Variants in LEMD3 observed in about 807,000 individuals in gnomAD.
LEMD3 encodes inner nuclear membrane protein Man1.
LEMD3 carries 33 observed loss-of-function variants against 95.2 expected under a neutral mutation model. That is an observed-to-expected ratio of 0.35 (90% CI 0.26 to 0.46). The LOEUF is 0.46. Among genes scored for constraint, LEMD3 ranks in the 20% least tolerant of loss-of-function variants. LEMD3 has a pLI of 1.00. For missense variants in LEMD3, 1,210 were observed against 1,192.8 expected, an observed-to-expected ratio of 1.01 and a Z score of -0.21; for synonymous variants, 525 against 474.6, an observed-to-expected ratio of 1.11 and a Z score of -1.38.
At chr12:65,201,017 G>A (rs184935834) in intron 1 of LEMD3, among the ~76,000 whole-genome samples, 2 of 152,224 alleles carry the variant, frequency 1.3e-5, no homozygotes, top group African/African-American at 2.4e-5. Context: ...TTTTGCATGT[G>A]AGTATCCAGG....
intron 1 of LEMD3, among the ~76,000 whole-genome samples, chr12:65,174,237 CTCT>C (rs1868642966): frequency 6.6e-6 from 1 of 152,014 alleles, no homozygotes; most frequent in South Asian, 2.1e-4. Flanking sequence ...TGCTATAAGT[CTCT>C]TCTTCCTCAT....
chr12:65,170,888 G>A lies in LEMD3; in HGVS notation c.1292G>A (p.Gly431Asp). The A allele has an allele frequency of 6.2e-7, 1 of 1,614,178 alleles. No individual in the cohort carries two copies. Residue 431 changes from glycine to aspartate, a missense_variant, in exon 1 of 13, where the codon GGC becomes GAC. Gly to Asp is a moderately conservative substitution (Grantham distance 94). This residue lies in a region of LEMD3 where 749 missense variants were observed against 622.9 expected (regional missense o/e 1.20). Coordinates refer to ENST00000308330, the MANE Select transcript of LEMD3 (RefSeq NM_014319.5). Reference protein sequence around the residue: ...SLRINHANHTGSNHTYLKNTY... With the variant: ...SLRINHANHTDSNHTYLKNTY... ...AGGATCAATCACGCCAATCATACGG[G>A]CTCCAATCATACCTACCTGAAAAAC...
intron 4 of LEMD3, among the ~76,000 whole-genome samples, chr12:65,226,814 G>A (rs551094741): frequency 8.5e-5 from 13 of 152,282 alleles, no homozygotes; most frequent in African/African-American, 2.4e-4. Flanking sequence ...TATATAAAAT[G>A]CCTAGCTCAG....
chr12:65,213,461 A>G (rs754341993), intron 2 of LEMD3, among the ~76,000 whole-genome samples: 66 of 152,160 alleles, frequency 4.3e-4, no homozygotes, highest in Non-Finnish European at 8.5e-4. Context: ...TCCTGAGCTC[A>G]AGCAATTCTC....
chr12:65,247,630 TGTCA>T lies in LEMD3; in HGVS notation c.*1309_*1312del, dbSNP rs1418388092. 1 of 152,440 alleles carries T rather than the reference TGTCA, an allele frequency of 6.6e-6. No homozygotes were observed. The highest frequency in any genetic ancestry group is 1.5e-5 in the Non-Finnish European group (1 of 68,014). 9.4% of individuals were successfully genotyped at this position (152,440 alleles called of 1,614,324 possible). ...TAAAAATAACCTGTTGATATATAAT[TGTCA>T]GTCCAAATGAATATGTGAAACAGCT... On this transcript the variant is annotated 3_prime_UTR_variant, in exon 13 of 13. Coordinates refer to ENST00000308330, the MANE Select transcript of LEMD3 (RefSeq NM_014319.5).
At chr12:65,192,768 A>G (rs1869283373) in intron 1 of LEMD3, among the ~76,000 whole-genome samples, 1 of 152,192 alleles carries the variant, frequency 6.6e-6, no homozygotes, top group South Asian at 2.1e-4. Context: ...TGAGCACTTA[A>G]TGTTTCAGTA....
intron 4 of LEMD3, among the ~76,000 whole-genome samples, chr12:65,223,535 A>G (rs1357212784): frequency 6.6e-6 from 1 of 152,010 alleles, no homozygotes; most frequent in Non-Finnish European, 1.5e-5. Context: ...TTTGTCTAAT[A>G]TGAGTATGGC....
intron 4 of LEMD3, among the ~76,000 whole-genome samples, chr12:65,220,906 A>G (rs954345659): frequency 2.0e-5 from 3 of 152,048 alleles, no homozygotes; most frequent in Non-Finnish European, 2.9e-5. Context: ...CTGGTTCTCT[A>G]TTTTGTTCCA....
intron 1 of LEMD3, among the ~76,000 whole-genome samples, chr12:65,175,417 T>G (rs775752181): frequency 1.4e-4 from 21 of 152,204 alleles, no homozygotes; most frequent in Non-Finnish European, 1.5e-4. Context: ...CTGCCTCTAT[T>G]TTCTTCCCTG....
chr12:65,238,121 G>T (rs1870824248), intron 4 of LEMD3, among the ~76,000 whole-genome samples: 1 of 152,034 alleles, frequency 6.6e-6, no homozygotes, highest in Non-Finnish European at 1.5e-5. Context: ...TACGAAAAAA[G>T]AAAATTAGCT....
chr12:65,237,644 A>G (rs1870810314), intron 4 of LEMD3, among the ~76,000 whole-genome samples: 1 of 152,232 alleles, frequency 6.6e-6, no homozygotes, highest in Non-Finnish European at 1.5e-5. Context: ...GTCACATTTC[A>G]TTATTCCATA....
At chr12:65,182,094 A>G (rs2136319829) in intron 1 of LEMD3, among the ~76,000 whole-genome samples, 1 of 152,312 alleles carries the variant, frequency 6.6e-6, no homozygotes, top group South Asian at 2.1e-4. Flanking sequence ...GATTTGTCCA[A>G]GGTCCCACAG....
At chr12:65,229,449 A>T (rs1319311189) in intron 4 of LEMD3, among the ~76,000 whole-genome samples, 3 of 152,036 alleles carry the variant, frequency 2.0e-5, no homozygotes, top group Non-Finnish European at 2.9e-5. Context: ...TTTTTTGAGG[A>T]TCCACCATAC....
intron 2 of LEMD3, among the ~76,000 whole-genome samples, chr12:65,213,742 A>T (rs570990095): frequency 6.6e-6 from 1 of 152,332 alleles, no homozygotes. Flanking sequence ...TCTTATGTTT[A>T]TTAAAGATGT....
chr12:65,207,815 G>A (rs2136334096), intron 1 of LEMD3, among the ~76,000 whole-genome samples: 1 of 151,342 alleles, frequency 6.6e-6, no homozygotes, highest in Middle Eastern at 3.4e-3. Context: ...TAAACGTATA[G>A]ATGTGTTTGC....
rs533855008 is a variant in LEMD3 at position 65,205,869 on chromosome 12, A to G, written c.1523-5057A>G. The stretch of plus-strand genomic sequence containing the variant: ...TAATTTTGTCCATAAAACTTTTCCT[A>G]TTTTGATTATGTAATCTCAATATTC... On this transcript the variant is annotated intron_variant, in intron 1 of 12. Transcript: ENST00000308330. Among the ~76,000 whole-genome samples, 7 of 152,288 alleles carry G rather than the reference A, an allele frequency of 4.6e-5. No individual in the cohort carries two copies. In the East Asian group the frequency reaches 5.8e-4, roughly 13 times the overall value.
chr12:65,200,186 T>C (rs892709386), intron 1 of LEMD3, among the ~76,000 whole-genome samples: 11 of 152,086 alleles, frequency 7.2e-5, no homozygotes, highest in African/African-American at 2.7e-4. Context: ...GACTTAAGCC[T>C]CTGATTGGTC....
chr12:65,224,252 C>G (rs967948013), intron 4 of LEMD3, among the ~76,000 whole-genome samples: 3 of 152,104 alleles, frequency 2.0e-5, no homozygotes, highest in African/African-American at 7.2e-5. Flanking sequence ...TTTCATTTAA[C>G]TTGGAGTCAC....
intron 1 of LEMD3, among the ~76,000 whole-genome samples, chr12:65,196,686 C>A (rs1372503451): frequency 6.6e-6 from 1 of 151,612 alleles, no homozygotes; most frequent in Non-Finnish European, 1.5e-5. Flanking sequence ...CGGAAATGCT[C>A]ATAGTCAAGA....
Sources: gnomAD v4.1 joint callset for allele counts (sites outside exome capture counted in the v4.1 genomes callset) on GRCh38, gnomAD v4.1.1 for gene constraint, gnomAD v4.1.1 regional missense constraint, MANE v1.5 for transcripts, NCBI Gene and HGNC (gene_info 2026-07-23, HGNC 2026-07-21) for gene names.